DCC: variants seen among roughly 807,000 people sequenced by gnomAD.
DCC encodes the protein DCC netrin 1 receptor, also known as netrin receptor DCC.
A neutral mutation model predicts 172.5 loss-of-function variants in DCC; 58 were observed. The ratio of observed to expected loss-of-function variants is 0.34; its 90% CI spans 0.27 to 0.42. The LOEUF is 0.42. Ranked by LOEUF, DCC falls within the 10% of genes least tolerant of loss-of-function variation. The probability of loss-of-function intolerance (pLI) is 1.00; values close to 1 mark genes in which losing one functional copy is unlikely to be tolerated. For missense variants in DCC, 1,740 were observed against 1,791.0 expected (o/e 0.97, Z 0.51); for synonymous variants, 709 against 644.5 (o/e 1.10, Z -1.52).
chr18:52,746,760 G>C (rs2036911084), intron 1 of DCC, among the ~76,000 whole-genome samples: 2 of 138,164 alleles, frequency 1.4e-5, no homozygotes, highest in South Asian at 2.5e-4. Flanking sequence ...TATTATTTCT[G>C]ATGCTTATTT....
intron 1 of DCC, among the ~76,000 whole-genome samples, chr18:52,567,579 A>G (rs1426483986): frequency 2.0e-5 from 3 of 152,078 alleles, no homozygotes. Flanking sequence ...GACAAATACC[A>G]CATGTTTTCA....
At chr18:52,746,591 C>A (rs1428834561) in intron 1 of DCC, among the ~76,000 whole-genome samples, 1 of 152,042 alleles carries the variant, frequency 6.6e-6, no homozygotes, top group Non-Finnish European at 1.5e-5. Flanking sequence ...ACTGAATGGT[C>A]TTTGGAACTG....
intron 2 of DCC, among the ~76,000 whole-genome samples, chr18:52,787,892 A>G (rs1418155181): frequency 6.6e-6 from 1 of 152,272 alleles, no homozygotes; most frequent in African/African-American, 2.4e-5. Context: ...CCCTTGCATT[A>G]GTTTATTAAT....
intron 4 of DCC, 56 bp from the exon 5 acceptor site, chr18:52,925,178 T>C (rs2040182151): frequency 6.5e-7 from 1 of 1,542,958 alleles, no homozygotes. Flanking sequence ...GCTCTGAGTA[T>C]CTTGCTTAAT....
intron 1 of DCC, among the ~76,000 whole-genome samples, chr18:52,589,850 A>G (rs1278919399): frequency 6.6e-6 from 1 of 152,198 alleles, no homozygotes; most frequent in Non-Finnish European, 1.5e-5. Flanking sequence ...CAACATAGAT[A>G]AGTTCTGAGA....
At chr18:53,483,934 CTG>C (rs1348018805) in intron 25 of DCC, among the ~76,000 whole-genome samples, 6 of 151,188 alleles carry the variant, frequency 4.0e-5, no homozygotes, top group African/African-American at 1.2e-4. Context: ...GATCTAAACA[CTG>C]TGAAACCTTT....
intron 7 of DCC, among the ~76,000 whole-genome samples, chr18:53,132,166 G>A (rs1568323237): frequency 6.6e-6 from 1 of 151,850 alleles, no homozygotes; most frequent in Non-Finnish European, 1.5e-5. Flanking sequence ...CTTGGCAGAT[G>A]GAGACAGATT....
At chr18:52,680,988 G>C (rs1198174552) in intron 1 of DCC, among the ~76,000 whole-genome samples, 1 of 152,068 alleles carries the variant, frequency 6.6e-6, no homozygotes, top group African/African-American at 2.4e-5. Flanking sequence ...TATAGTGCCT[G>C]AAATTCCTTC....
At chr18:53,181,158 A>G (rs1390941240) in intron 9 of DCC, among the ~76,000 whole-genome samples, 1 of 152,222 alleles carries the variant, frequency 6.6e-6, no homozygotes, top group African/African-American at 2.4e-5. Flanking sequence ...CTTTAAAAGC[A>G]TGCTCATTTT....
intron 7 of DCC, among the ~76,000 whole-genome samples, chr18:53,123,082 C>T (rs928764723): frequency 6.6e-6 from 1 of 152,006 alleles, no homozygotes; most frequent in Non-Finnish European, 1.5e-5. Context: ...TTATATTCCA[C>T]CATGGGAGAC....
At chr18:52,755,504 C>T (rs1439279023) in intron 2 of DCC, among the ~76,000 whole-genome samples, 1 of 152,172 alleles carries the variant, frequency 6.6e-6, no homozygotes, top group Admixed American at 6.5e-5. Flanking sequence ...TAAGGCTGTT[C>T]ACAGCATTTT....
At chr18:52,850,634 A>G (rs1466374158) in intron 2 of DCC, among the ~76,000 whole-genome samples, 1 of 152,036 alleles carries the variant, frequency 6.6e-6, no homozygotes. Flanking sequence ...TTCCCCACTT[A>G]TTCCTTGGGG....
intron 7 of DCC, among the ~76,000 whole-genome samples, chr18:53,146,559 G>A (rs2043919227): frequency 6.6e-6 from 1 of 152,190 alleles, no homozygotes; most frequent in Non-Finnish European, 1.5e-5. Flanking sequence ...CAATACTGTT[G>A]CATTGGAGAT....
At chr18:53,464,708 C>CTG (rs2045598038) in intron 24 of DCC, among the ~76,000 whole-genome samples, 1 of 151,556 alleles carries the variant, frequency 6.6e-6, no homozygotes, top group African/African-American at 2.4e-5. Context: ...CCACCGGGAG[C>CTG]TGTGGCTCAC....
At chr18:53,407,908 G>T (rs1909768371) in intron 19 of DCC, among the ~76,000 whole-genome samples, 1 of 152,066 alleles carries the variant, frequency 6.6e-6, no homozygotes, top group African/African-American at 2.4e-5. Flanking sequence ...TTTATCAAAC[G>T]ATATTCATAA....
At chr18:53,144,376 G>C (rs2043874362) in intron 7 of DCC, among the ~76,000 whole-genome samples, 1 of 152,164 alleles carries the variant, frequency 6.6e-6, no homozygotes, top group Non-Finnish European at 1.5e-5. Context: ...AATTTATAAA[G>C]GAAAGAGGTT....
intron 1 of DCC, among the ~76,000 whole-genome samples, chr18:52,712,169 C>T (rs2125895): frequency 0.21 from 32,396 of 152,016 alleles, 4,278 homozygotes; most frequent in South Asian, 0.37. Context: ...CCATGTTGGC[C>T]AGGATGGCCT....
At chr18:52,625,875 T>C (rs1291660078) in intron 1 of DCC, among the ~76,000 whole-genome samples, 1 of 152,204 alleles carries the variant, frequency 6.6e-6, no homozygotes, top group Non-Finnish European at 1.5e-5. Flanking sequence ...GATTACATTC[T>C]TGTGGGAAAT....
intron 1 of DCC, among the ~76,000 whole-genome samples, chr18:52,714,504 T>C (rs1188940705): frequency 6.6e-6 from 1 of 152,118 alleles, no homozygotes; most frequent in African/African-American, 2.4e-5. Context: ...AGAACATAGG[T>C]AGAAGGGCAT....
Sources: gnomAD v4.1 joint callset for allele counts (sites outside exome capture counted in the v4.1 genomes callset) on GRCh38, gnomAD v4.1.1 for gene constraint, MANE v1.5 for transcripts, NCBI Gene and HGNC (gene_info 2026-07-23, HGNC 2026-07-21) for gene names.